CENPP: variants seen among roughly 807,000 people sequenced by gnomAD.
CENPP encodes the protein centromere protein P.
Under a neutral mutation model 35.6 loss-of-function variants are expected in CENPP, and 24 were observed. The ratio of observed to expected loss-of-function variants is 0.67; its 90% CI spans 0.49 to 0.95. The LOEUF (loss-of-function observed/expected upper bound fraction) is 0.95, where lower values mean the gene tolerates loss of function less well. Among genes scored for constraint, CENPP ranks in the 40% least tolerant of loss-of-function variants. The pLI, the probability that CENPP is intolerant of heterozygous loss-of-function variation, is 0.00. For missense variants in CENPP, 332 were observed against 345.3 expected, an observed-to-expected ratio of 0.96 and a Z score of 0.31; for synonymous variants, 120 against 125.5, an observed-to-expected ratio of 0.96 and a Z score of 0.29.
intron 3 of CENPP, 112 bp downstream of exon 3, chr9:92,337,741 GC>G: frequency 9.3e-6 from 7 of 752,736 alleles, no homozygotes; most frequent in Non-Finnish European, 1.7e-5. Flanking sequence ...ATGAGCCAGG[GC>G]CCCCCCATTC....
intron 5 of CENPP, among the ~76,000 whole-genome samples, chr9:92,483,842 A>G (rs1323641531): frequency 6.6e-6 from 1 of 152,222 alleles, no homozygotes; most frequent in Non-Finnish European, 1.5e-5. Flanking sequence ...CTAGGCTGAC[A>G]GTTCCAGGCA....
chr9:92,554,623 C>T (rs1849681668), intron 5 of CENPP, among the ~76,000 whole-genome samples: 1 of 151,960 alleles, frequency 6.6e-6, no homozygotes, highest in African/African-American at 2.4e-5. Flanking sequence ...TTAGCTAGTA[C>T]TTTGTGCTTT....
At chr9:92,361,766 GC>G (rs1206991658) in intron 4 of CENPP, among the ~76,000 whole-genome samples, 2 of 152,208 alleles carry the variant, frequency 1.3e-5, no homozygotes, top group Admixed American at 6.5e-5. Flanking sequence ...ACAGGCATGA[GC>G]CACTGCACCC....
rs1034907760 is a variant in CENPP at position 92,476,119 on chromosome 9, G to T, written c.564+96260G>T. Among the ~76,000 whole-genome samples, 1 of 152,122 alleles carries T rather than the reference G, an allele frequency of 6.6e-6. No homozygotes were observed. The highest frequency in any genetic ancestry group is 1.5e-5 in the Non-Finnish European group (1 of 68,026). ...ACTCACCACCACAGCAGAGGGCTCC[G>T]CAGACCCTAATAGTCCACCAGGCTA... On this transcript the variant is annotated intron_variant, in intron 5 of 7. Coordinates refer to ENST00000375587, the MANE Select transcript of CENPP (RefSeq NM_001012267.3). The surrounding 1 kb of genome is among the most constrained non-coding windows in gnomAD (Gnocchi z 4.1).
At chr9:92,500,787 G>A (rs752368753) in intron 5 of CENPP, 9 of 1,614,104 alleles carry the variant, frequency 5.6e-6, no homozygotes, top group South Asian at 5.5e-5. Context: ...TATCCCAGGT[G>A]GTATAGATTT....
chr9:92,334,570 C>G (rs1316468646), intron 2 of CENPP, among the ~76,000 whole-genome samples: 2 of 152,030 alleles, frequency 1.3e-5, no homozygotes, highest in East Asian at 3.9e-4. Context: ...AAAATGCACC[C>G]TTACTCATTA....
intron 1 of CENPP, among the ~76,000 whole-genome samples, chr9:92,331,427 G>A (rs1282027509): frequency 3.9e-5 from 6 of 152,132 alleles, no homozygotes; most frequent in Admixed American, 6.5e-5. Flanking sequence ...TGATCCACCC[G>A]CCTTGGCTTC....
intron 5 of CENPP, among the ~76,000 whole-genome samples, chr9:92,448,455 A>G (rs950354726): frequency 1.3e-5 from 2 of 151,972 alleles, no homozygotes; most frequent in South Asian, 4.2e-4. Context: ...TATTTTTGGT[A>G]GAGACGGGGT....
Position 92,505,826 on chromosome 9 carries a change from C to T in CENPP, c.565-105488C>T, listed in dbSNP as rs1039236185. 6.0e-6 allele frequency: 4 copies of T among 663,670 alleles called. No individual in the cohort carries two copies. The African/African-American group carries it at 7.3e-5, about 12-fold the overall frequency. 41.1% of individuals were successfully genotyped at this position (663,670 alleles called of 1,614,324 possible). A position where few individuals can be genotyped will look rare whatever the true frequency, so the allele number is the denominator to read the frequency against. On this transcript the variant is annotated intron_variant, in intron 5 of 7. Coordinates refer to ENST00000375587, the MANE Select transcript of CENPP (RefSeq NM_001012267.3). Reference sequence around the variant, plus strand: ...AGTTTTTTTTAAACCTTTGTATCCTCCTATAAAACCTTTTCTTAAGTACTT... The same window carrying T: ...AGTTTTTTTTAAACCTTTGTATCCTTCTATAAAACCTTTTCTTAAGTACTT...
In CENPP at chr9:92,335,101, T is replaced by C. The variant is rs372869257; in HGVS notation, c.290-2440T>C. 1.4e-4 allele frequency among the ~76,000 whole-genome samples: 21 copies of C among 152,016 alleles called. No individual in the cohort carries two copies. In the East Asian group the frequency reaches 2.9e-3, roughly 21 times the overall value. ...CTCGGGAGGCAGAGGTTGCAGTGAG[T>C]GGAGATGGTGCCACCGCACTCCAGC... On this transcript the variant is annotated intron_variant, in intron 2 of 7. Transcript: ENST00000375587.
intron 4 of CENPP, among the ~76,000 whole-genome samples, chr9:92,354,301 C>T (rs1423270298): frequency 1.3e-5 from 2 of 152,184 alleles, no homozygotes; most frequent in African/African-American, 4.8e-5. Flanking sequence ...AGCTGATCAC[C>T]CCAAGAAATG....
At chr9:92,544,449 C>G (rs1279729691) in intron 5 of CENPP, among the ~76,000 whole-genome samples, 1 of 152,172 alleles carries the variant, frequency 6.6e-6, no homozygotes, top group African/African-American at 2.4e-5. Flanking sequence ...GCACTCCAGC[C>G]TGGGCAACAG....
intron 5 of CENPP, chr9:92,415,151 G>A: frequency 6.3e-7 from 1 of 1,598,760 alleles, no homozygotes. Context: ...ATAGTTTCTT[G>A]CTATTCTTGA....
chr9:92,372,099 C>CTTTTTTTTTTTTT lies in CENPP; in HGVS notation c.468-7644_468-7632dup, dbSNP rs71362382. ...AGGTGTAAGCCACCATGCCAGCCATCTTTTTTTTTTTTTTTTTTTTTTTTT... is the reference window on the plus strand; with the variant it reads ...AGGTGTAAGCCACCATGCCAGCCATCTTTTTTTTTTTTTTTTTTTTTTTTTTTTTTTTTTTTTT... On this transcript the variant is annotated intron_variant, in intron 4 of 7. Coordinates refer to ENST00000375587, the MANE Select transcript of CENPP (RefSeq NM_001012267.3). Among the ~76,000 whole-genome samples, 44 of 30,690 alleles carry CTTTTTTTTTTTTT rather than the reference C, an allele frequency of 1.4e-3. 1 individual carries two copies. The highest frequency in any genetic ancestry group is 2.1e-3 in the African/African-American group (15 of 7,218). The allele number at this position is 30,690 out of a possible 152,430, so 20.1% of individuals were successfully genotyped here. A position where few individuals can be genotyped will look rare whatever the true frequency, so the allele number is the denominator to read the frequency against.
At chr9:92,568,775 T>C (rs532460058) in intron 5 of CENPP, among the ~76,000 whole-genome samples, 51 of 152,344 alleles carry the variant, frequency 3.3e-4, no homozygotes, top group African/African-American at 1.1e-3. Flanking sequence ...ATGATTGCCA[T>C]TCTAACTGGT....
intron 5 of CENPP, among the ~76,000 whole-genome samples, chr9:92,410,225 C>G (rs998401560): frequency 3.3e-5 from 5 of 152,134 alleles, no homozygotes; most frequent in African/African-American, 1.2e-4. Context: ...CGTGAGCCAC[C>G]GTGCCCAGCC....
chr9:92,400,091 A>G (rs1002743374), intron 5 of CENPP, among the ~76,000 whole-genome samples: 9 of 152,198 alleles, frequency 5.9e-5, no homozygotes, highest in Non-Finnish European at 8.8e-5. Context: ...GAAAGAACTG[A>G]CATCTTTATG....
intron 5 of CENPP, chr9:92,470,725 T>C: frequency 6.2e-7 from 1 of 1,600,596 alleles, no homozygotes; most frequent in Non-Finnish European, 8.5e-7. Context: ...ATTTTATTGT[T>C]TTGAAGATCA....
intron 2 of CENPP, among the ~76,000 whole-genome samples, chr9:92,336,269 A>G (rs185675948): frequency 1.3e-5 from 2 of 152,296 alleles, no homozygotes; most frequent in East Asian, 3.9e-4. Flanking sequence ...TAGGAAGCAA[A>G]TTATGTCAAT....
Sources: gnomAD v4.1 joint callset for allele counts (sites outside exome capture counted in the v4.1 genomes callset) on GRCh38, gnomAD v4.1.1 for gene constraint, Gnocchi (gnomAD v3.1) non-coding constraint, MANE v1.5 for transcripts, NCBI Gene and HGNC (gene_info 2026-07-23, HGNC 2026-07-21) for gene names.